Variants in RBFOX1 observed in about 807,000 individuals in gnomAD.
The protein encoded by RBFOX1 is RNA binding fox-1 homolog 1, also known as RNA binding protein fox-1 homolog 1.
Under a neutral mutation model 57.7 loss-of-function variants are expected in RBFOX1, and 8 were observed. The ratio of observed to expected loss-of-function variants is 0.14; its 90% CI spans 0.08 to 0.25. RBFOX1 has a LOEUF of 0.25. RBFOX1 is among the 10% of genes least tolerant of loss of function. RBFOX1 has a pLI of 1.00. For synonymous variants in RBFOX1, 326 were observed against 222.4 expected (o/e 1.47, Z -4.15); for missense variants, 611 against 548.5 (o/e 1.11, Z -1.14).
intron 2 of RBFOX1, among the ~76,000 whole-genome samples, chr16:6,532,467 T>G (rs1282517798): frequency 6.6e-6 from 1 of 152,188 alleles, no homozygotes; most frequent in African/African-American, 2.4e-5. Flanking sequence ...GACCCTCCAG[T>G]TACTTTCTGC....
At chr16:6,926,690 C>G (rs563185977) in intron 3 of RBFOX1, among the ~76,000 whole-genome samples, 1 of 152,130 alleles carries the variant, frequency 6.6e-6, no homozygotes, top group Non-Finnish European at 1.5e-5. Flanking sequence ...GGTAAAAATG[C>G]TACTTAGCTC....
chr16:7,307,019 C>T (rs1221854459), intron 4 of RBFOX1, among the ~76,000 whole-genome samples: 1 of 152,124 alleles, frequency 6.6e-6, no homozygotes, highest in East Asian at 1.9e-4. Flanking sequence ...AATCAGGCAA[C>T]ATTTATGATA....
At chr16:5,572,260 C>T (rs1276423206) in intron 2 of RBFOX1, among the ~76,000 whole-genome samples, 1 of 152,116 alleles carries the variant, frequency 6.6e-6, no homozygotes, top group Non-Finnish European at 1.5e-5. Context: ...AGCATCCAGC[C>T]ATTTATCTCT....
At chr16:6,853,092 T>A (rs2094156867) in intron 3 of RBFOX1, among the ~76,000 whole-genome samples, 1 of 152,172 alleles carries the variant, frequency 6.6e-6, no homozygotes, top group South Asian at 2.1e-4. Context: ...CACAGTTCTA[T>A]CCCTCCCTCC....
chr16:6,877,940 C>G (rs925095558), intron 3 of RBFOX1, among the ~76,000 whole-genome samples: 2 of 152,064 alleles, frequency 1.3e-5, no homozygotes, highest in Non-Finnish European at 2.9e-5. Flanking sequence ...TACACAGAGT[C>G]TTGGATTAGC....
chr16:5,483,001 AC>A (rs1327537939), intron 2 of RBFOX1, among the ~76,000 whole-genome samples: 1 of 152,236 alleles, frequency 6.6e-6, no homozygotes, highest in Non-Finnish European at 1.5e-5. Context: ...ACCTTATAGG[AC>A]AGATACAAAC....
chr16:6,926,858 C>G (rs754366903), intron 3 of RBFOX1, among the ~76,000 whole-genome samples: 2 of 152,070 alleles, frequency 1.3e-5, no homozygotes, highest in Admixed American at 6.5e-5. Context: ...CCACGTGACT[C>G]TTTTTATTTT....
chr16:7,157,948 T>A (rs2077483150), intron 4 of RBFOX1, among the ~76,000 whole-genome samples: 1 of 152,206 alleles, frequency 6.6e-6, no homozygotes. Context: ...AAGCATTTAA[T>A]GTTGAGATGA....
At chr16:6,508,353 G>A (rs923845498) in intron 2 of RBFOX1, among the ~76,000 whole-genome samples, 3 of 151,920 alleles carry the variant, frequency 2.0e-5, no homozygotes, top group Non-Finnish European at 2.9e-5. Flanking sequence ...ACTTGTCCCC[G>A]AACATAAAAC....
intron 3 of RBFOX1, among the ~76,000 whole-genome samples, chr16:5,780,220 C>G (rs2054282452): frequency 6.6e-6 from 1 of 152,210 alleles, no homozygotes; most frequent in African/African-American, 2.4e-5. Flanking sequence ...CCAGGCTGGT[C>G]TTGAAATCCT....
chr16:5,593,655 C>T (rs2047084760), intron 2 of RBFOX1, among the ~76,000 whole-genome samples: 2 of 152,100 alleles, frequency 1.3e-5, no homozygotes, highest in South Asian at 2.1e-4. Context: ...CAGGAAGTTA[C>T]CGTATATGGT....
chr16:7,067,895 A>G (rs1267600454), intron 4 of RBFOX1, among the ~76,000 whole-genome samples: 32 of 150,298 alleles, frequency 2.1e-4, no homozygotes, highest in Admixed American at 2.0e-3. Context: ...ATAGTATTCC[A>G]TGGTGTATTT....
intron 3 of RBFOX1, chr16:7,004,040 A>G (rs150065304): frequency 1.6e-3 from 239 of 147,536 alleles, no homozygotes; most frequent in African/African-American, 5.7e-3. Flanking sequence ...TTTGCGTGCC[A>G]TCTTTGCACA....
rs1050288154 is a variant in RBFOX1, at chr16:6,864,973, G to A, written c.-15-187084G>A. On this transcript the variant is annotated intron_variant, in intron 3 of 15. Transcript: ENST00000550418. ...CCTGTTCCTCAATCCCAGTGCCAAT[G>A]TTGGAGTGGGTTTTTCTTTTTCTTT... is the stretch of plus-strand genomic sequence containing the variant. Among the ~76,000 whole-genome samples, 4 of 135,470 alleles carry A rather than the reference G, an allele frequency of 3.0e-5. No homozygotes were observed. In the East Asian group the frequency reaches 8.6e-4, roughly 29 times the overall value. The allele number at this position is 135,470 out of a possible 152,430, so 88.9% of individuals were successfully genotyped here.
At chr16:6,244,706 C>T (rs2097559610) in intron 1 of RBFOX1, among the ~76,000 whole-genome samples, 1 of 152,158 alleles carries the variant, frequency 6.6e-6, no homozygotes, top group Non-Finnish European at 1.5e-5. Flanking sequence ...GACGGGATTT[C>T]ACCATGTTGG....
chr16:6,784,134 C>G (rs2081505519), intron 3 of RBFOX1, among the ~76,000 whole-genome samples: 1 of 151,958 alleles, frequency 6.6e-6, no homozygotes, highest in Non-Finnish European at 1.5e-5. Flanking sequence ...CTTGGTGTTG[C>G]TTGACTTTCT....
intron 1 of RBFOX1, among the ~76,000 whole-genome samples, chr16:6,074,031 C>T (rs1049223679): frequency 6.6e-6 from 1 of 152,218 alleles, no homozygotes; most frequent in Admixed American, 6.5e-5. Flanking sequence ...TCACTGCAAG[C>T]TCCACCTCCT....
intron 3 of RBFOX1, among the ~76,000 whole-genome samples, chr16:6,855,849 C>CCCTCCCTCTTTCCCTCCCTGTTTG (rs1364676341): frequency 6.7e-6 from 1 of 149,414 alleles, no homozygotes; most frequent in African/African-American, 2.5e-5. Flanking sequence ...CTCCCTCTTT[C>CCCTCCCTCTTTCCCTCCCTGTTTG]CCTCCCTTCC....
rs113664646 is a variant in RBFOX1, at chr16:6,871,005, G to A, written c.-15-181052G>A. Among the ~76,000 whole-genome samples the A allele has an allele frequency of 2.0e-5, 3 of 152,206 alleles. No individual in the cohort carries two copies. In the South Asian group the frequency reaches 6.2e-4, roughly 32 times the overall value. ...GAAGCCCACTATCCAGTGAATAACAGATGCTCATTAAATATTGGAAAGCAA... is the reference window on the plus strand; with the variant it reads ...GAAGCCCACTATCCAGTGAATAACAAATGCTCATTAAATATTGGAAAGCAA... On this transcript the variant is annotated intron_variant, in intron 3 of 15. Transcript: ENST00000550418.
Sources: allele counts gnomAD v4.1 joint callset (sites outside exome capture counted in the v4.1 genomes callset), GRCh38; gene constraint gnomAD v4.1.1; transcripts MANE v1.5; gene names NCBI Gene and HGNC (gene_info 2026-07-23, HGNC 2026-07-21).